PCDH15: variants seen among roughly 807,000 people sequenced by gnomAD.
PCDH15 encodes protocadherin-15.
Under a neutral mutation model 178.5 loss-of-function variants are expected in PCDH15, and 129 were observed. That is an observed-to-expected ratio of 0.72 (90% CI 0.63 to 0.84). The LOEUF (loss-of-function observed/expected upper bound fraction) is 0.84. Ranked by LOEUF, PCDH15 falls within the 40% of genes least tolerant of loss-of-function variation. The probability of loss-of-function intolerance (pLI) is 0.00; values close to 1 mark genes in which losing one functional copy is unlikely to be tolerated. For missense variants in PCDH15, 2,230 were observed against 2,099.9 expected (o/e 1.06, Z -1.21); for synonymous variants, 800 against 732.0 (o/e 1.09, Z -1.50).
At chr10:54,022,235 A>G (rs1424126222) in intron 19 of PCDH15, among the ~76,000 whole-genome samples, 1 of 152,066 alleles carries the variant, frequency 6.6e-6, no homozygotes, top group East Asian at 1.9e-4. Context: ...AATGTTCAGG[A>G]CTGTGTAATT....
At chr10:54,406,341 A>G (rs1589244452) in intron 3 of PCDH15, among the ~76,000 whole-genome samples, 1 of 152,226 alleles carries the variant, frequency 6.6e-6, no homozygotes, top group African/African-American at 2.4e-5. Context: ...ATAAATGAAT[A>G]AATAAATAAA....
chr10:54,730,740 C>A (rs540995223), intron 1 of PCDH15, among the ~76,000 whole-genome samples: 9 of 151,190 alleles, frequency 6.0e-5, no homozygotes, highest in Non-Finnish European at 1.2e-4. Context: ...CTATTTCTCA[C>A]CATATACAAA....
chr10:53,949,360 ATCGAGTTATGC>A (rs1564839422), intron 23 of PCDH15, among the ~76,000 whole-genome samples: 4 of 152,230 alleles, frequency 2.6e-5, no homozygotes, highest in Non-Finnish European at 5.9e-5. Flanking sequence ...AATTTTAGCA[ATCGAGTTATGC>A]TCTCTGCATA....
chr10:55,516,518 T>A (rs1002794970), intron 2 of PCDH15, among the ~76,000 whole-genome samples: 4 of 152,170 alleles, frequency 2.6e-5, no homozygotes, highest in Non-Finnish European at 5.9e-5. Context: ...AGACTGTGTC[T>A]TTCTGAATAG....
intron 3 of PCDH15, among the ~76,000 whole-genome samples, chr10:54,444,785 A>G (rs1429476299): frequency 6.6e-6 from 1 of 151,710 alleles, no homozygotes; most frequent in African/African-American, 2.4e-5. Context: ...GGTTTAGTCT[A>G]GTGCCTGGCA....
chr10:54,007,633 C>T (rs1350760805), intron 20 of PCDH15, among the ~76,000 whole-genome samples: 1 of 152,058 alleles, frequency 6.6e-6, no homozygotes, highest in African/African-American at 2.4e-5. Context: ...GTGCAGATGT[C>T]TTGATAAAAA....
chr10:55,469,405 T>C (rs1839909416), intron 2 of PCDH15, among the ~76,000 whole-genome samples: 1 of 152,174 alleles, frequency 6.6e-6, no homozygotes, highest in Non-Finnish European at 1.5e-5. Context: ...TATGCATATA[T>C]CTGATCTGAG....
chr10:54,161,334 A>G (rs2045691739), intron 13 of PCDH15, among the ~76,000 whole-genome samples: 1 of 152,218 alleles, frequency 6.6e-6, no homozygotes, highest in Non-Finnish European at 1.5e-5. Flanking sequence ...ATATTTTTTA[A>G]TTCCTAGACA....
Position 54,377,112 on chromosome 10 carries a change from T to C in PCDH15, c.318+1670A>G, listed in dbSNP as rs558946907. Among the ~76,000 whole-genome samples, 27 of 152,174 alleles carry C rather than the reference T, an allele frequency of 1.8e-4. 1 individual carries two copies. In the South Asian group the frequency reaches 5.4e-3, roughly 30 times the overall value. The stretch of plus-strand genomic sequence containing the variant: ...TAGGCCGACAGCAAAATGAACAGCA[T>C]AATCCAATTTAAATTAATAAGTATT... On this transcript the variant is annotated intron_variant, in intron 4 of 37. Coordinates refer to ENST00000644397, the MANE Select transcript of PCDH15 (RefSeq NM_001384140.1).
At chr10:55,142,254 C>T (rs1288704793) in intron 2 of PCDH15, among the ~76,000 whole-genome samples, 1 of 151,910 alleles carries the variant, frequency 6.6e-6, no homozygotes, top group African/African-American at 2.4e-5. Context: ...AAAAAAAGAA[C>T]AAAACTATTG....
chr10:54,223,573 T>C (rs963931108), intron 9 of PCDH15, among the ~76,000 whole-genome samples: 7 of 139,682 alleles, frequency 5.0e-5, no homozygotes, highest in Non-Finnish European at 8.1e-5. Flanking sequence ...GAAGTGTTTA[T>C]ACCTTAACAG....
In PCDH15 at chr10:54,219,722, A is replaced by C. The variant is rs1437471036; in HGVS notation, c.986-5674T>G. 2.0e-5 allele frequency among the ~76,000 whole-genome samples: 3 copies of C among 151,874 alleles called. No homozygotes were observed. In the East Asian group the frequency reaches 5.8e-4, roughly 29 times the overall value. ...AACAAAAACAAAAAAACAGAAAAGA[A>C]ACTAAAAAACAAAAATAATATTTGT... On this transcript the variant is annotated intron_variant, in intron 9 of 37. Coordinates refer to ENST00000644397, the MANE Select transcript of PCDH15 (RefSeq NM_001384140.1).
At chr10:54,562,145 C>G (rs1270897936) in intron 2 of PCDH15, among the ~76,000 whole-genome samples, 1 of 151,796 alleles carries the variant, frequency 6.6e-6, no homozygotes. Flanking sequence ...CGCCTACCAC[C>G]ACACCCAGCT....
intron 2 of PCDH15, among the ~76,000 whole-genome samples, chr10:55,325,680 G>C (rs1844012229): frequency 6.6e-6 from 1 of 152,008 alleles, no homozygotes; most frequent in Non-Finnish European, 1.5e-5. Flanking sequence ...GACACCAAAA[G>C]CAATTGCAAC....
chr10:54,058,332 T>G (rs1414646354), intron 18 of PCDH15, among the ~76,000 whole-genome samples: 1 of 152,212 alleles, frequency 6.6e-6, no homozygotes, highest in African/African-American at 2.4e-5. Context: ...TCTAATTGAC[T>G]CACAGTTTCA....
chr10:53,929,507 C>T (rs1288583856), intron 25 of PCDH15, among the ~76,000 whole-genome samples: 2 of 151,992 alleles, frequency 1.3e-5, no homozygotes, highest in East Asian at 1.9e-4. Context: ...ATGATCATTC[C>T]TGGGATTTTA....
chr10:55,221,563 T>G (rs1162024933), intron 1 of PCDH15, among the ~76,000 whole-genome samples: 2 of 152,082 alleles, frequency 1.3e-5, no homozygotes, highest in Admixed American at 6.5e-5. Context: ...TGTCATTAAA[T>G]CTGGTATTTG....
At chr10:54,385,878 C>G (rs915160449) in intron 3 of PCDH15, among the ~76,000 whole-genome samples, 5 of 152,130 alleles carry the variant, frequency 3.3e-5, no homozygotes, top group African/African-American at 1.2e-4. Context: ...CAAAGCCTGA[C>G]GAAGTACTTT....
chr10:55,621,987 C>A (rs1919697), intron 2 of PCDH15, among the ~76,000 whole-genome samples: 59,030 of 141,098 alleles, frequency 0.42, 13,131 homozygotes, highest in Middle Eastern at 0.55. Flanking sequence ...CGTTCTCTCT[C>A]TATATATATT....
Sources: allele counts gnomAD v4.1 joint callset (sites outside exome capture counted in the v4.1 genomes callset), GRCh38; gene constraint gnomAD v4.1.1; transcripts MANE v1.5; gene names NCBI Gene and HGNC (gene_info 2026-07-23, HGNC 2026-07-21).